PCDH11X: variants seen among roughly 807,000 people sequenced by gnomAD.
The protein encoded by PCDH11X is protocadherin-11 X-linked.
In PCDH11X, 18 loss-of-function variants were observed where a neutral mutation model predicts 53.3. That is an observed-to-expected ratio of 0.34 (90% CI 0.23 to 0.50). The LOEUF (loss-of-function observed/expected upper bound fraction) is 0.50. PCDH11X is among the 20% of genes least tolerant of loss of function. The probability of loss-of-function intolerance (pLI) is 0.98; values close to 1 mark genes in which losing one functional copy is unlikely to be tolerated. For missense variants in PCDH11X, 570 were observed against 1,032.4 expected, an observed-to-expected ratio of 0.55 and a Z score of 6.14; for synonymous variants, 279 against 393.3, an observed-to-expected ratio of 0.71 and a Z score of 3.44.
intron 8 of PCDH11X, among the ~76,000 whole-genome samples, chrX:92,342,296 A>C (rs2148516521): frequency 9.0e-6 from 1 of 110,696 alleles, no homozygotes; most frequent in African/African-American, 3.3e-5. Flanking sequence ...ACAAACAAAC[A>C]AACAACAAAT....
At chrX:91,839,349 C>T (rs780361908) in intron 5 of PCDH11X, among the ~76,000 whole-genome samples, 45 of 108,178 alleles carry the variant, frequency 4.2e-4, no homozygotes, top group African/African-American at 1.5e-3. Context: ...CACAGTAGCT[C>T]ACACCTGTAA....
chrX:92,355,707 A>G (rs1445773798), intron 8 of PCDH11X, among the ~76,000 whole-genome samples: 2 of 108,339 alleles, frequency 1.8e-5, no homozygotes, highest in Admixed American at 1.0e-4. Context: ...TTCATGTTCT[A>G]TATCTGACTT....
chrX:91,890,373 A>C (rs1034475567), intron 6 of PCDH11X, among the ~76,000 whole-genome samples: 10 of 111,357 alleles, frequency 9.0e-5, no homozygotes, highest in African/African-American at 3.3e-4. Context: ...CATCCCATAT[A>C]TAATCTTTCA....
At chrX:91,807,176 C>CAA (rs1218341876) in intron 1 of PCDH11X, among the ~76,000 whole-genome samples, 6,161 of 32,147 alleles carry the variant, frequency 0.19, 487 homozygotes, top group East Asian at 0.31. Flanking sequence ...CTCATCTCTA[C>CAA]AAAAAAAAAA....
chrX:92,092,418 C>T (rs749576725), intron 6 of PCDH11X, among the ~76,000 whole-genome samples: 159 of 111,318 alleles, frequency 1.4e-3, no homozygotes, highest in African/African-American at 3.9e-3. Flanking sequence ...TGAGGACACA[C>T]GCCCATGACA....
intron 7 of PCDH11X, among the ~76,000 whole-genome samples, chrX:92,219,334 G>A (rs1483017775): frequency 9.0e-6 from 1 of 110,981 alleles, no homozygotes; most frequent in East Asian, 2.8e-4. Context: ...AAGCTGATAA[G>A]CAACTTCAGC....
intron 10 of PCDH11X, among the ~76,000 whole-genome samples, chrX:92,481,326 A>C (rs1370249183): frequency 1.8e-5 from 2 of 109,893 alleles, no homozygotes; most frequent in Non-Finnish European, 3.8e-5. Flanking sequence ...CCACACACAC[A>C]CACACACCGA....
chrX:92,581,636 T>G lies in PCDH11X; in HGVS notation c.3368-36628T>G, dbSNP rs1340355039. On this transcript the variant is annotated intron_variant, in intron 10 of 10. Transcript: ENST00000682573. ...CTTTATCAGCAGTGTGAAAACGAAC[T>G]AATACAGTAAATTGGTACTGAGAGT... 2.6e-4 allele frequency among the ~76,000 whole-genome samples: 29 copies of G among 111,917 alleles called. No homozygotes were observed. In the Admixed American group the frequency reaches 2.8e-3, roughly 11 times the overall value.
At chrX:92,495,860 C>A (rs1389749261) in intron 10 of PCDH11X, among the ~76,000 whole-genome samples, 3 of 106,164 alleles carry the variant, frequency 2.8e-5, no homozygotes, top group African/African-American at 7.4e-5. Context: ...ATGGGGGAAA[C>A]TGCCCACATG....
chrX:92,018,292 A>G (rs1408314668), intron 6 of PCDH11X, among the ~76,000 whole-genome samples: 3 of 112,254 alleles, frequency 2.7e-5, no homozygotes, highest in African/African-American at 9.7e-5. Context: ...AAAAATAATG[A>G]TAATTTAAGA....
chrX:91,785,769 G>A (rs6615299), intron 1 of PCDH11X, among the ~76,000 whole-genome samples: 31,823 of 105,902 alleles, frequency 0.3, 4,730 homozygotes, highest in African/African-American at 0.49. Flanking sequence ...GTTCAAATTG[G>A]TCATATTTGA....
At chrX:92,083,032 G>A (rs2063888550) in intron 6 of PCDH11X, among the ~76,000 whole-genome samples, 1 of 111,446 alleles carries the variant, frequency 9.0e-6, no homozygotes, top group African/African-American at 3.3e-5. Flanking sequence ...CAAAACCACA[G>A]CAGTGCTTAG....
chrX:92,612,853 A>T (rs1927531194), intron 10 of PCDH11X, among the ~76,000 whole-genome samples: 1 of 109,837 alleles, frequency 9.1e-6, no homozygotes, highest in South Asian at 4.0e-4. Context: ...GTTGAATTGA[A>T]CACTTAACCA....
chrX:91,828,672 A>G (rs1937006520), intron 4 of PCDH11X, among the ~76,000 whole-genome samples: 1 of 111,547 alleles, frequency 9.0e-6, no homozygotes, highest in Non-Finnish European at 1.9e-5. Flanking sequence ...AAGTCGTAAG[A>G]TTGGTTTTAA....
intron 6 of PCDH11X, among the ~76,000 whole-genome samples, chrX:91,905,122 ATTATTATTATTG>A (rs895003058): frequency 3.8e-5 from 4 of 104,505 alleles, no homozygotes; most frequent in African/African-American, 1.4e-4. Context: ...TATTATTATT[ATTATTATTATTG>A]TTATTATTAT....
chrX:92,303,864 C>A (rs755795133), intron 8 of PCDH11X, among the ~76,000 whole-genome samples: 1 of 110,045 alleles, frequency 9.1e-6, no homozygotes, highest in South Asian at 3.9e-4. Flanking sequence ...TGGTGCTCTA[C>A]AATCATACCT....
chrX:92,500,891 G>A (rs920490930), intron 10 of PCDH11X, among the ~76,000 whole-genome samples: 1 of 109,170 alleles, frequency 9.2e-6, no homozygotes, highest in African/African-American at 3.3e-5. Flanking sequence ...AACTGAAGGA[G>A]ACAGAGATGT....
chrX:92,521,581 C>A (rs2750929), intron 10 of PCDH11X, among the ~76,000 whole-genome samples: 1 of 112,281 alleles, frequency 8.9e-6, no homozygotes, highest in Non-Finnish European at 1.9e-5. Context: ...CTGGTTTCAA[C>A]TTAAAGTTGT....
chrX:92,191,639 T>C (rs773063014), intron 6 of PCDH11X, among the ~76,000 whole-genome samples: 1 of 112,523 alleles, frequency 8.9e-6, no homozygotes, highest in Admixed American at 9.5e-5. Context: ...GAATTGCAGT[T>C]ATTTAGGTTT....
Sources: allele counts gnomAD v4.1 joint callset (sites outside exome capture counted in the v4.1 genomes callset), GRCh38; gene constraint gnomAD v4.1.1; transcripts MANE v1.5; gene names NCBI Gene and HGNC (gene_info 2026-07-23, HGNC 2026-07-21).